SNTB1: variants seen among roughly 807,000 people sequenced by gnomAD.
SNTB1 encodes beta-1-syntrophin.
In SNTB1, 36 loss-of-function variants were observed where a neutral mutation model predicts 48.9. That is an observed-to-expected ratio of 0.74 (90% CI 0.56 to 0.97). The LOEUF (loss-of-function observed/expected upper bound fraction) is 0.97, where lower values mean the gene tolerates loss of function less well. SNTB1 is among the 50% of genes least tolerant of loss of function. SNTB1 has a pLI of 0.00. For missense variants in SNTB1, 786 were observed against 703.4 expected (o/e 1.12, Z -1.33); for synonymous variants, 299 against 294.6 (o/e 1.01, Z -0.15).
Position 120,811,263 on chromosome 8 carries a change from A to T in SNTB1, c.571+10T>A, listed in dbSNP as rs750572535. 2 of 1,584,274 alleles carry T rather than the reference A, an allele frequency of 1.3e-6. No individual in the cohort carries two copies. The highest frequency in any genetic ancestry group is 2.3e-5 in the South Asian group (2 of 88,130). ...CGCCCGGCGCGGCCCGCGCGCTGTT[A>T]ACCCCTTACCTTCCAGCAGCACTTC... On this transcript the variant is annotated intron_variant, in intron 1 of 6. Coordinates refer to ENST00000517992, the MANE Select transcript of SNTB1 (RefSeq NM_021021.4).
At chr8:120,558,456 C>T (rs1815603961) in intron 4 of SNTB1, among the ~76,000 whole-genome samples, 1 of 152,092 alleles carries the variant, frequency 6.6e-6, no homozygotes. Flanking sequence ...TTGTTCTTCA[C>T]AAAATTGATT....
intron 1 of SNTB1, among the ~76,000 whole-genome samples, chr8:120,802,077 T>C (rs2130180817): frequency 6.6e-6 from 1 of 152,238 alleles, no homozygotes; most frequent in Non-Finnish European, 1.5e-5. Flanking sequence ...GAATAAACCA[T>C]GATATATCTT....
chr8:120,659,784 T>A (rs371770874), intron 2 of SNTB1, among the ~76,000 whole-genome samples: 1 of 152,208 alleles, frequency 6.6e-6, no homozygotes, highest in Non-Finnish European at 1.5e-5. Context: ...CCTTCACTCA[T>A]GATCACATCT....
At chr8:120,794,332 GCAT>G (rs1820086602) in intron 1 of SNTB1, among the ~76,000 whole-genome samples, 1 of 151,974 alleles carries the variant, frequency 6.6e-6, no homozygotes, top group African/African-American at 2.4e-5. Flanking sequence ...ATTTATGACA[GCAT>G]TAAATTTCTC....
At chr8:120,669,695 A>T (rs1395057528) in intron 2 of SNTB1, among the ~76,000 whole-genome samples, 1 of 35,828 alleles carries the variant, frequency 2.8e-5, no homozygotes, top group Non-Finnish European at 4.6e-5. Flanking sequence ...CTCGTGATCC[A>T]CCCGCCTTGG....
rs893807384 is a variant in SNTB1, at chr8:120,749,725, G to T, written c.572-55817C>A. ...ATATCTTTCTTGTCTTTACATTTCC[G>T]CTGCAAGTCTAGGTGTGGCTCAGCA... On this transcript the variant is annotated intron_variant, in intron 1 of 6. Transcript: ENST00000517992. Among the ~76,000 whole-genome samples, 6 of 152,186 alleles carry T rather than the reference G, an allele frequency of 3.9e-5. No individual in the cohort carries two copies. In the South Asian group the frequency reaches 1.2e-3, roughly 32 times the overall value.
chr8:120,725,553 T>G (rs1048014362), intron 1 of SNTB1, among the ~76,000 whole-genome samples: 5 of 152,188 alleles, frequency 3.3e-5, no homozygotes, highest in African/African-American at 1.2e-4. Context: ...TCCTGTGAGA[T>G]TTCAGCTTTG....
intron 2 of SNTB1, among the ~76,000 whole-genome samples, chr8:120,658,969 TTTTTC>T (rs1283713474): frequency 7.9e-5 from 12 of 151,926 alleles, no homozygotes; most frequent in Non-Finnish European, 5.9e-5. Context: ...ATTCTTTTTT[TTTTTC>T]TTTTCCTGAG....
chr8:120,778,575 G>C (rs75256832), intron 1 of SNTB1, among the ~76,000 whole-genome samples: 5,754 of 152,220 alleles, frequency 0.038, 353 homozygotes, highest in African/African-American at 0.13. Context: ...TAAAGCTATT[G>C]CAGGACTTCA....
At chr8:120,792,574 T>C (rs1229678909) in intron 1 of SNTB1, among the ~76,000 whole-genome samples, 1 of 152,028 alleles carries the variant, frequency 6.6e-6, no homozygotes, top group East Asian at 1.9e-4. Flanking sequence ...ATAAACTAGT[T>C]GCTTGCTGCT....
chr8:120,635,965 C>T, intron 2 of SNTB1: 1 of 561,354 alleles, frequency 1.8e-6, no homozygotes, highest in Non-Finnish European at 3.0e-6. Context: ...CAGATATGCC[C>T]TCTCCTTTAC....
chr8:120,729,418 A>G (rs1818816372), intron 1 of SNTB1, among the ~76,000 whole-genome samples: 1 of 152,240 alleles, frequency 6.6e-6, no homozygotes, highest in Non-Finnish European at 1.5e-5. Flanking sequence ...AATGTACAGA[A>G]TTGTTCAAAT....
chr8:120,677,779 G>A (rs950430715), intron 2 of SNTB1, among the ~76,000 whole-genome samples: 8 of 152,102 alleles, frequency 5.3e-5, no homozygotes, highest in Non-Finnish European at 8.8e-5. Flanking sequence ...TAAGTAAATT[G>A]CCAAAAGTCA....
intron 3 of SNTB1, among the ~76,000 whole-genome samples, chr8:120,616,229 G>T (rs542542865): frequency 2.4e-4 from 37 of 152,000 alleles, no homozygotes; most frequent in Non-Finnish European, 3.2e-4. Flanking sequence ...CAATGAGGAA[G>T]AGATTACTAG....
chr8:120,615,529 G>A (rs1451921958), intron 3 of SNTB1, among the ~76,000 whole-genome samples: 1 of 152,142 alleles, frequency 6.6e-6, no homozygotes, highest in Non-Finnish European at 1.5e-5. Flanking sequence ...GGGCTTCATG[G>A]TTGTCAATTT....
At position 120,811,513 on chromosome 8, in the gene SNTB1, G is replaced by A. The variant is rs769895413; in HGVS notation, c.331C>T (p.Arg111Cys). 2 of 1,613,202 alleles carry A rather than the reference G, an allele frequency of 1.2e-6. No homozygotes were observed. The highest frequency in any genetic ancestry group is 1.1e-5 in the South Asian group (1 of 90,958). Reference protein sequence around the residue: ...QVPESISNQKRGVKVLKQELG... With the variant: ...QVPESISNQKCGVKVLKQELG... ...TCCTGCTTCAGCACCTTCACGCCAC[G>A]CTTCTGGTTCGAGATGGACTCGGGC... Residue 111 changes from arginine (R) to cysteine (C), a missense_variant, in exon 1 of 7, where the codon CGT becomes TGT. Coordinates refer to ENST00000517992, the MANE Select transcript of SNTB1 (RefSeq NM_021021.4).
At chr8:120,641,302 G>A (rs747686175) in intron 2 of SNTB1, among the ~76,000 whole-genome samples, 1 of 152,076 alleles carries the variant, frequency 6.6e-6, no homozygotes, top group African/African-American at 2.4e-5. Flanking sequence ...AATCAACAAT[G>A]GTGGTTATCA....
chr8:120,759,039 A>G (rs34459319), intron 1 of SNTB1, among the ~76,000 whole-genome samples: 18,503 of 151,950 alleles, frequency 0.12, 3,730 homozygotes, highest in African/African-American at 0.42. Context: ...CCAAAGTGCA[A>G]GGATTACAGG....
intron 1 of SNTB1, chr8:120,769,258 G>T (rs1045383195): frequency 2.0e-5 from 3 of 152,142 alleles, no homozygotes; most frequent in Admixed American, 6.5e-5. Flanking sequence ...TTTGGCAATA[G>T]TTCCTTATAT....
Sources: gnomAD v4.1 joint callset for allele counts (sites outside exome capture counted in the v4.1 genomes callset) on GRCh38, gnomAD v4.1.1 for gene constraint, MANE v1.5 for transcripts, NCBI Gene and HGNC (gene_info 2026-07-23, HGNC 2026-07-21) for gene names.